Variants in SOX6 observed in about 807,000 individuals in gnomAD.
The protein encoded by SOX6 is transcription factor SOX-6.
In SOX6, 11 loss-of-function variants were observed where a neutral mutation model predicts 97.8. That is an observed-to-expected ratio of 0.11 (90% CI 0.07 to 0.19). The LOEUF is 0.19. Among genes scored for constraint, SOX6 ranks in the 10% least tolerant of loss-of-function variants. The probability of loss-of-function intolerance (pLI) is 1.00; values close to 1 mark genes in which losing one functional copy is unlikely to be tolerated. For missense variants in SOX6, 810 were observed against 1,039.5 expected, an observed-to-expected ratio of 0.78 and a Z score of 3.04; for synonymous variants, 360 against 371.4, an observed-to-expected ratio of 0.97 and a Z score of 0.35.
At chr11:16,734,180 T>G (rs1214978498) in intron 2 of SOX6, among the ~76,000 whole-genome samples, 1 of 152,202 alleles carries the variant, frequency 6.6e-6, no homozygotes, top group Non-Finnish European at 1.5e-5. Flanking sequence ...GTGCCACATT[T>G]TAAATCACAG....
chr11:16,695,063 G>A (rs1028495464), intron 3 of SOX6, among the ~76,000 whole-genome samples: 1 of 152,168 alleles, frequency 6.6e-6, no homozygotes, highest in African/African-American at 2.4e-5. Flanking sequence ...GTATCCACAG[G>A]AGGTCTTGGA....
chr11:16,466,031 A>G (rs930093535), intron 1 of SOX6, among the ~76,000 whole-genome samples: 2 of 152,208 alleles, frequency 1.3e-5, no homozygotes, highest in African/African-American at 4.8e-5. Context: ...GAATAATTAA[A>G]CATTAAGAAT....
At chr11:16,311,652 T>C (rs565431343) in intron 3 of SOX6, 1 of 152,282 alleles carries the variant, frequency 6.6e-6, no homozygotes, top group South Asian at 2.1e-4. Flanking sequence ...TAGGAAATGC[T>C]GAAGTGAAAT....
At chr11:16,513,705 T>C (rs139734267) in intron 4 of SOX6, among the ~76,000 whole-genome samples, 1 of 152,134 alleles carries the variant, frequency 6.6e-6, no homozygotes, top group South Asian at 2.1e-4. Flanking sequence ...CAGAGTAATG[T>C]TGCTGAGAAG....
chr11:16,207,508 T>C (rs1209855455), intron 4 of SOX6, among the ~76,000 whole-genome samples: 1 of 150,542 alleles, frequency 6.6e-6, no homozygotes, highest in Non-Finnish European at 1.5e-5. Context: ...GGCAGGAGAA[T>C]GGCCTGAACC....
chr11:16,690,476 G>A (rs1365280084), intron 3 of SOX6, among the ~76,000 whole-genome samples: 1 of 152,032 alleles, frequency 6.6e-6, no homozygotes, highest in East Asian at 1.9e-4. Flanking sequence ...CTTTGCTGAA[G>A]CAAAAAAATC....
At chr11:15,984,346 C>A (rs1299088046) in intron 15 of SOX6, among the ~76,000 whole-genome samples, 1 of 152,072 alleles carries the variant, frequency 6.6e-6, no homozygotes, top group Non-Finnish European at 1.5e-5. Context: ...AAAACAGCAC[C>A]TTTAGTAGCC....
intron 13 of SOX6, among the ~76,000 whole-genome samples, chr11:16,003,562 C>T (rs1854466434): frequency 6.6e-6 from 1 of 152,020 alleles, no homozygotes; most frequent in Admixed American, 6.6e-5. Flanking sequence ...TCCTTAGCTG[C>T]TTATCCTTAT....
chr11:16,400,464 T>C (rs12184463), intron 1 of SOX6, among the ~76,000 whole-genome samples: 8,065 of 151,554 alleles, frequency 0.053, 276 homozygotes, highest in Non-Finnish European at 0.081. Context: ...CAAGATATTC[T>C]TATAAATATA....
At chr11:16,368,847 T>G (rs1590164345) in intron 1 of SOX6, among the ~76,000 whole-genome samples, 1 of 152,270 alleles carries the variant, frequency 6.6e-6, no homozygotes, top group East Asian at 1.9e-4. Flanking sequence ...CGGGTGAGTA[T>G]GTAGCATATA....
At chr11:16,098,311 T>C (rs1410719782) in intron 7 of SOX6, among the ~76,000 whole-genome samples, 1 of 148,336 alleles carries the variant, frequency 6.7e-6, no homozygotes, top group Non-Finnish European at 1.5e-5. Flanking sequence ...TGGATCCTAG[T>C]ACAGAATCAT....
chr11:16,274,495 T>C (rs1489638243), intron 3 of SOX6, among the ~76,000 whole-genome samples: 1 of 152,148 alleles, frequency 6.6e-6, no homozygotes, highest in Non-Finnish European at 1.5e-5. Context: ...TACATTTCTG[T>C]ATTGATTCTT....
At position 16,223,544 on chromosome 11, in the gene SOX6, T is replaced by C. The variant is rs953126338; in HGVS notation, c.535+11038A>G. On this transcript the variant is annotated intron_variant, in intron 4 of 15. Transcript: ENST00000683767. ...GTGTATTAATGTATGGATGTATAGATGTAGATATAGATGTTAATGGCTGTC... is the reference window on the plus strand; with the variant it reads ...GTGTATTAATGTATGGATGTATAGACGTAGATATAGATGTTAATGGCTGTC... Among the ~76,000 whole-genome samples, 7 of 152,166 alleles carry C rather than the reference T, an allele frequency of 4.6e-5. No individual in the cohort carries two copies. The South Asian group carries it at 1.4e-3, about 31-fold the overall frequency.
At chr11:16,649,056 TC>T (rs562926066) in intron 3 of SOX6, among the ~76,000 whole-genome samples, 180 of 150,378 alleles carry the variant, frequency 1.2e-3, no homozygotes, top group Non-Finnish European at 2.2e-3. Flanking sequence ...ATTAACCCAA[TC>T]AGACGGAGAC....
Position 16,049,936 on chromosome 11 carries a change from A to G in SOX6, c.1254T>C (p.Asp418=), listed in dbSNP as rs201737129. 2 of 1,613,590 alleles carry G rather than the reference A, an allele frequency of 1.2e-6. No homozygotes were observed. Among genetic ancestry groups the G allele is most frequent in the African/African-American group, 1.3e-5 (1 of 74,882 alleles). The change falls in exon 11 of 16, where the codon GAT becomes GAC. Residue 418 remains aspartate, a splice_region_variant and synonymous_variant. Transcript: ENST00000683767. ...RGTSPVTQVK[D]EAAAQPLNLS... Reference sequence around the variant, plus strand: ...GATTCAGAGGCTGTGCTGCTGCTTCATCCTACAAGAGTTTAACGTAAATAA... The same window carrying G: ...GATTCAGAGGCTGTGCTGCTGCTTCGTCCTACAAGAGTTTAACGTAAATAA...
intron 2 of SOX6, among the ~76,000 whole-genome samples, chr11:16,328,713 G>A (rs1856184492): frequency 6.6e-6 from 1 of 152,078 alleles, no homozygotes; most frequent in Admixed American, 6.6e-5. Flanking sequence ...TGCTATATAA[G>A]ACACCTTCTA....
At chr11:16,199,176 A>C (rs1200378810) in intron 4 of SOX6, among the ~76,000 whole-genome samples, 1 of 152,206 alleles carries the variant, frequency 6.6e-6, no homozygotes, top group Non-Finnish European at 1.5e-5. Flanking sequence ...TATCTGAGTT[A>C]ATTCTAGTTT....
intron 6 of SOX6, among the ~76,000 whole-genome samples, chr11:16,136,525 C>A (rs976679301): frequency 6.6e-6 from 1 of 151,916 alleles, no homozygotes; most frequent in African/African-American, 2.4e-5. Context: ...CTCAACCTCC[C>A]AAGTAGCTGG....
At chr11:16,043,314 G>GGA (rs1160707642) in intron 12 of SOX6, among the ~76,000 whole-genome samples, 1 of 152,098 alleles carries the variant, frequency 6.6e-6, no homozygotes, top group Non-Finnish European at 1.5e-5. Context: ...TCTGCTGGCA[G>GGA]GACACTGACA....
Sources: allele counts gnomAD v4.1 joint callset (sites outside exome capture counted in the v4.1 genomes callset), GRCh38; gene constraint gnomAD v4.1.1; transcripts MANE v1.5; gene names NCBI Gene and HGNC (gene_info 2026-07-23, HGNC 2026-07-21).